Variants in KCNJ6 observed in about 807,000 individuals in gnomAD.
The protein encoded by KCNJ6 is potassium inwardly rectifying channel subfamily J member 6.
KCNJ6 carries 9 observed loss-of-function variants against 34.2 expected under a neutral mutation model. The ratio of observed to expected loss-of-function variants is 0.26; its 90% confidence interval spans 0.16 to 0.46. The LOEUF (loss-of-function observed/expected upper bound fraction) is 0.46. Among genes scored for constraint, KCNJ6 ranks in the 20% least tolerant of loss-of-function variants. The pLI is 1.00. For missense variants in KCNJ6, 236 were observed against 531.3 expected (o/e 0.44, Z 5.46); for synonymous variants, 196 against 207.1 (o/e 0.95, Z 0.46).
intron 2 of KCNJ6, among the ~76,000 whole-genome samples, chr21:37,761,569 G>A (rs545569208): frequency 6.7e-6 from 1 of 149,624 alleles, no homozygotes; most frequent in Non-Finnish European, 1.5e-5. Flanking sequence ...TGTGTTGTGT[G>A]TATGTAGTGT....
At chr21:37,813,497 C>A (rs1395473034) in intron 2 of KCNJ6, among the ~76,000 whole-genome samples, 7 of 152,018 alleles carry the variant, frequency 4.6e-5, no homozygotes, top group Admixed American at 1.3e-4. Flanking sequence ...TACTTGACTT[C>A]AAATTATAAC....
intron 1 of KCNJ6, among the ~76,000 whole-genome samples, chr21:37,885,578 T>C (rs925145862): frequency 2.0e-5 from 3 of 152,210 alleles, no homozygotes; most frequent in Admixed American, 1.3e-4. Context: ...ATTCAAAGCA[T>C]GCAAGCCCAC....
chr21:37,651,662 G>A (rs1280878622), intron 3 of KCNJ6, among the ~76,000 whole-genome samples: 1 of 152,194 alleles, frequency 6.6e-6, no homozygotes, highest in Non-Finnish European at 1.5e-5. Flanking sequence ...CTAGGTTTCT[G>A]GACTGAGCAC....
chr21:37,731,202 T>C (rs560206511), intron 2 of KCNJ6, among the ~76,000 whole-genome samples: 3 of 152,154 alleles, frequency 2.0e-5, no homozygotes, highest in African/African-American at 7.2e-5. Context: ...CCTGTGTTAA[T>C]AGAGTAAATT....
chr21:37,810,340 C>T (rs2055316453), intron 2 of KCNJ6, among the ~76,000 whole-genome samples: 1 of 152,142 alleles, frequency 6.6e-6, no homozygotes, highest in Admixed American at 6.5e-5. Flanking sequence ...TTCCAACAAA[C>T]TTGGAATGAG....
intron 2 of KCNJ6, among the ~76,000 whole-genome samples, chr21:37,796,098 G>A (rs926095917): frequency 6.6e-6 from 1 of 152,138 alleles, no homozygotes; most frequent in Non-Finnish European, 1.5e-5. Flanking sequence ...CGCTGTGATC[G>A]GCTTCTATGC....
At chr21:37,788,927 C>T (rs757756232) in intron 2 of KCNJ6, among the ~76,000 whole-genome samples, 7 of 152,150 alleles carry the variant, frequency 4.6e-5, no homozygotes, top group Non-Finnish European at 1.0e-4. Flanking sequence ...TTTCTGTTCT[C>T]TATCAAGAGC....
chr21:37,740,502 A>AC (rs1193956609), intron 2 of KCNJ6, among the ~76,000 whole-genome samples: 2 of 151,734 alleles, frequency 1.3e-5, no homozygotes, highest in Admixed American at 6.6e-5. Flanking sequence ...GGAACTAACA[A>AC]CCCCCCTCCT....
intron 2 of KCNJ6, among the ~76,000 whole-genome samples, chr21:37,834,296 C>T (rs2055441112): frequency 1.3e-5 from 2 of 152,378 alleles, no homozygotes; most frequent in South Asian, 4.1e-4. Flanking sequence ...ATGCTTTGCT[C>T]TTCCGCCACC....
intron 3 of KCNJ6, among the ~76,000 whole-genome samples, chr21:37,674,085 C>T (rs942179601): frequency 4.6e-5 from 7 of 152,190 alleles, no homozygotes; most frequent in African/African-American, 1.7e-4. Flanking sequence ...AGGGGAGAAC[C>T]TTCAGATCCC....
intron 1 of KCNJ6, among the ~76,000 whole-genome samples, chr21:37,882,934 T>TTG (rs145161139): frequency 5.9e-5 from 9 of 152,014 alleles, no homozygotes; most frequent in African/African-American, 1.7e-4. Context: ...GCATGCACAT[T>TTG]TGTGTGTGTG....
chr21:37,659,079 A>G (rs1327209499), intron 3 of KCNJ6, among the ~76,000 whole-genome samples: 2 of 152,258 alleles, frequency 1.3e-5, no homozygotes, highest in African/African-American at 4.8e-5. Flanking sequence ...GCTACTTTGT[A>G]AGGGCTTCAG....
At chr21:37,736,571 C>A (rs556711004) in intron 2 of KCNJ6, among the ~76,000 whole-genome samples, 1 of 152,214 alleles carries the variant, frequency 6.6e-6, no homozygotes, top group Non-Finnish European at 1.5e-5. Context: ...CATGTGTCTT[C>A]ATCTGCCTAA....
At chr21:37,799,995 C>T (rs941042171) in intron 2 of KCNJ6, among the ~76,000 whole-genome samples, 2 of 152,132 alleles carry the variant, frequency 1.3e-5, no homozygotes, top group Non-Finnish European at 2.9e-5. Context: ...ATCTGTTAAA[C>T]CTTGGACTCC....
chr21:37,630,221 G>A (rs540316195), intron 3 of KCNJ6, among the ~76,000 whole-genome samples: 156 of 148,018 alleles, frequency 1.1e-3, no homozygotes, highest in African/African-American at 3.5e-3. Flanking sequence ...TATTTTGTGA[G>A]TAAAGTACTT....
chr21:37,826,591 C>T lies in KCNJ6; in HGVS notation c.25+14067G>A, dbSNP rs76273790. Among the ~76,000 whole-genome samples the T allele has an allele frequency of 8.2e-3, 1,219 of 149,424 alleles. 21 individuals carry two copies. The highest frequency in any genetic ancestry group is 0.029 in the African/African-American group (1,156 of 39,532). The stretch of plus-strand genomic sequence containing the variant: ...CCTACTGATAAATACTTAGTGACTA[C>T]TTGGTTATTTCCAATTTATTAAAAA... On this transcript the variant is annotated intron_variant, in intron 2 of 3. Coordinates refer to ENST00000609713, the MANE Select transcript of KCNJ6 (RefSeq NM_002240.5).
chr21:37,657,196 C>G (rs1250981463), intron 3 of KCNJ6, among the ~76,000 whole-genome samples: 1 of 152,170 alleles, frequency 6.6e-6, no homozygotes, highest in East Asian at 1.9e-4. Flanking sequence ...TCCAACGGCC[C>G]TGATCCAAGG....
intron 2 of KCNJ6, among the ~76,000 whole-genome samples, chr21:37,715,767 A>G (rs1203807587): frequency 1.3e-5 from 2 of 152,188 alleles, no homozygotes; most frequent in Admixed American, 6.5e-5. Flanking sequence ...GAAAAGCCAT[A>G]TGAGACACAG....
chr21:37,632,268 T>C (rs947048305), intron 3 of KCNJ6, among the ~76,000 whole-genome samples: 2 of 118,372 alleles, frequency 1.7e-5, no homozygotes, highest in Non-Finnish European at 4.1e-5. Flanking sequence ...TTTTGGAATA[T>C]ATGACCACAC....
Sources: gnomAD v4.1 joint callset for allele counts (sites outside exome capture counted in the v4.1 genomes callset) on GRCh38, gnomAD v4.1.1 for gene constraint, MANE v1.5 for transcripts, NCBI Gene and HGNC (gene_info 2026-07-23, HGNC 2026-07-21) for gene names.